Variants in YTHDC2 observed in about 807,000 individuals in gnomAD.
The protein encoded by YTHDC2 is 3'-5' RNA helicase YTHDC2.
In YTHDC2, 45 loss-of-function variants were observed where a neutral mutation model predicts 174.9. The ratio of observed to expected loss-of-function variants is 0.26; its 90% CI spans 0.20 to 0.33. The LOEUF (loss-of-function observed/expected upper bound fraction) is 0.33. YTHDC2 is among the 10% of genes least tolerant of loss of function. YTHDC2 has a pLI of 1.00. For missense variants in YTHDC2, 1,650 were observed against 1,723.7 expected (o/e 0.96, Z 0.76); for synonymous variants, 657 against 574.5 (o/e 1.14, Z -2.05).
chr5:113,522,887 T>C (rs540100813), intron 2 of YTHDC2, among the ~76,000 whole-genome samples: 2 of 152,296 alleles, frequency 1.3e-5, no homozygotes, highest in South Asian at 2.1e-4. Flanking sequence ...CAAGTTGATA[T>C]TATCTTTCCA....
chr5:113,579,716 G>A, intron 24 of YTHDC2, 21 bp downstream of exon 24: 2 of 1,574,678 alleles, frequency 1.3e-6, no homozygotes, highest in Admixed American at 1.9e-5. Flanking sequence ...TTCAAGTAGT[G>A]TAATAAATTT....
In YTHDC2 at chr5:113,563,484, A is replaced by G. The variant is rs775053430; in HGVS notation, c.2434A>G (p.Met812Val). 1.2e-6 allele frequency: 2 copies of G among 1,604,596 alleles called. No individual in the cohort carries two copies. The highest frequency in any genetic ancestry group is 1.7e-6 in the Non-Finnish European group (2 of 1,175,672). ...PALIVRNAVQ[M>V]LKTIDAMDTW... ...TTTAATTGTAAGAAATGCTGTACAA[A>G]TGCTTAAGGTTGGTGTCTTCATAGT... Residue 812 changes from methionine to valine, a missense_variant, in exon 19 of 30, where the codon ATG becomes GTG. Met to Val is a conservative substitution (Grantham distance 21). Around this residue, in one of 5 missense-constraint regions of YTHDC2, gnomAD observed 913 missense variants for 940.4 expected, o/e 0.97. Transcript: ENST00000161863.
intron 18 of YTHDC2, among the ~76,000 whole-genome samples, chr5:113,561,962 GT>G (rs1240247724): frequency 5.7e-4 from 45 of 79,298 alleles, no homozygotes; most frequent in African/African-American, 2.1e-3. Flanking sequence ...TTGTGGGTGT[GT>G]GTGTGTGTGT....
rs1252613610 is a variant in YTHDC2 at position 113,561,162 on chromosome 5, G to C, written c.2299G>C (p.Glu767Gln). 1.9e-6 allele frequency: 3 copies of C among 1,612,716 alleles called. No individual in the cohort carries two copies. The highest frequency in any genetic ancestry group is 3.3e-5 in the Admixed American group (2 of 59,952). Residue 767 changes from glutamate to glutamine, a missense_variant, in exon 18 of 30, where the codon GAA becomes CAA. By Grantham distance (29) the Glu-to-Gln change is conservative. Transcript: ENST00000161863. ...FQNMLEFQTP[E>Q]LLRMPLQELC... ...GAATATGTTGGAATTTCAGACTCCG[G>C]AACTTTTGAGAATGCCATTACAGGT... is the stretch of plus-strand genomic sequence containing the variant.
intron 4 of YTHDC2, among the ~76,000 whole-genome samples, chr5:113,532,497 T>C (rs10478126): frequency 0.33 from 49,518 of 152,034 alleles, 10,067 homozygotes; most frequent in African/African-American, 0.56. Context: ...ATTTTTATTT[T>C]ATTGACTTTA....
At chr5:113,541,868 G>A (rs1775502517) in intron 9 of YTHDC2, among the ~76,000 whole-genome samples, 1 of 151,838 alleles carries the variant, frequency 6.6e-6, no homozygotes, top group Non-Finnish European at 1.5e-5. Context: ...GACTTATTTG[G>A]GTCATGGAAC....
At chr5:113,573,470 T>C (rs10042141) in intron 23 of YTHDC2, among the ~76,000 whole-genome samples, 15,288 of 152,024 alleles carry the variant, frequency 0.1, 1,681 homozygotes, top group African/African-American at 0.27. Flanking sequence ...TCTCATGGAG[T>C]ATTATACTAG....
At chr5:113,545,197 G>T (rs1031954750) in intron 10 of YTHDC2, among the ~76,000 whole-genome samples, 2 of 152,084 alleles carry the variant, frequency 1.3e-5, no homozygotes, top group Non-Finnish European at 2.9e-5. Context: ...TGCTGCAAGG[G>T]ACTAGGTCAA....
In YTHDC2 at chr5:113,581,807, C is replaced by CT. The variant is rs1022897758; in HGVS notation, c.3647+104dup. On this transcript the variant is annotated intron_variant, in intron 25 of 29. Coordinates refer to ENST00000161863, the MANE Select transcript of YTHDC2 (RefSeq NM_022828.5). ...GTGCTTTTATAATATTTAAAAATTA[C>CT]TTTTTTATAATCTAAGATCCATGAA... 1.7e-5 allele frequency: 18 copies of CT among 1,073,270 alleles called. No individual in the cohort carries two copies. The African/African-American group carries it at 3.0e-4, about 18-fold the overall frequency. The allele number at this position is 1,073,270 out of a possible 1,614,324, so 66.5% of individuals were successfully genotyped here. A position where few individuals can be genotyped will look rare whatever the true frequency, so the allele number is the denominator to read the frequency against.
rs1213880766 is a variant in YTHDC2 at position 113,570,806 on chromosome 5, A to G, written c.3244+2957A>G. Among the ~76,000 whole-genome samples, 4 of 151,506 alleles carry G rather than the reference A, an allele frequency of 2.6e-5. No individual in the cohort carries two copies. The East Asian group carries it at 7.8e-4, about 29-fold the overall frequency. ...GCTGGGATTACAGACGTCTGCCACC[A>G]TACTCCACTAATTTTTTTTGTATTT... On this transcript the variant is annotated intron_variant, in intron 23 of 29. Coordinates refer to ENST00000161863, the MANE Select transcript of YTHDC2 (RefSeq NM_022828.5).
chr5:113,567,845 T>C lies in YTHDC2; in HGVS notation c.3240T>C (p.Phe1080=). 1.3e-6 allele frequency: 2 copies of C among 1,528,160 alleles called. No individual in the cohort carries two copies. Among genetic ancestry groups the C allele is most frequent in the Non-Finnish European group, 1.8e-6 (2 of 1,138,276 alleles). 94.7% of individuals were successfully genotyped at this position (1,528,160 alleles called of 1,614,324 possible). A position where few individuals can be genotyped will look rare whatever the true frequency, so the allele number is the denominator to read the frequency against. The change falls in exon 23 of 30, where the codon TTT becomes TTC. Residue 1080 remains phenylalanine (F), a synonymous_variant. Transcript: ENST00000161863. The part of the protein sequence containing the change: ...ASNALQEPSS[F]RVDGIPNDSS... ...ATGCTCTTCAGGAACCTTCATCCTT[T>C]AGAGGTAAATGTATTAAGGAAATAA...
Position 113,591,065 on chromosome 5 carries a change from C to G in YTHDC2, c.3850C>G (p.Pro1284Ala). The G allele has an allele frequency of 1.2e-6, 2 of 1,613,734 alleles. No homozygotes were observed. The highest frequency in any genetic ancestry group is 1.7e-6 in the Non-Finnish European group (2 of 1,179,802). The stretch of plus-strand genomic sequence containing the variant: ...GGGCTCAAAATCTCCTTCGCCAAGA[C>G]CAAACATGCCTGTTCGATACTTCAT... ...GKGSKSPSPR[P>A]NMPVRYFIMK... Residue 1284 changes from proline to alanine, a missense_variant, in exon 27 of 30, where the codon CCA becomes GCA. Transcript: ENST00000161863.
chr5:113,581,676 C>A lies in YTHDC2; in HGVS notation c.3614C>A (p.Thr1205Asn). ...AATAGTAGGAAAAGTTCAGCAGATA[C>A]TGAATTTTCTGATGAGTGTACTACT... is the stretch of plus-strand genomic sequence containing the variant. ...SNNSRKSSAD[T>N]EFSDECTTAE... The change falls in exon 25 of 30, where the codon ACT (threonine) becomes AAT (asparagine). Residue 1205 changes from threonine (T) to asparagine (N), a missense_variant. By Grantham distance (65) the Thr-to-Asn change is moderately conservative (BLOSUM62 0). Around this residue, in one of 5 missense-constraint regions of YTHDC2, gnomAD observed 913 missense variants for 940.4 expected, o/e 0.97. Transcript: ENST00000161863. 6.2e-7 allele frequency: 1 copy of A among 1,607,782 alleles called. No individual in the cohort carries two copies.
Position 113,551,423 on chromosome 5 carries a change from C to T in YTHDC2, c.1689-1758C>T, listed in dbSNP as rs371258362. ...AAAATTGAATATATTATTATGTTTA[C>T]TGGATTATTGATAATTTATATCCAA... On this transcript the variant is annotated intron_variant, in intron 12 of 29. Coordinates refer to ENST00000161863, the MANE Select transcript of YTHDC2 (RefSeq NM_022828.5). Among the ~76,000 whole-genome samples the T allele has an allele frequency of 1.7e-4, 26 of 152,084 alleles. 3 individuals carry two copies. The highest frequency in any genetic ancestry group is 7.2e-4 in the Admixed American group (11 of 15,258).
intron 1 of YTHDC2, 63 bp from the exon 2 acceptor site, chr5:113,515,209 T>A: frequency 2.5e-6 from 3 of 1,177,946 alleles, no homozygotes; most frequent in Non-Finnish European, 3.7e-6. Context: ...TGTATCTGTG[T>A]GTTTTACTTG....
Position 113,545,727 on chromosome 5 carries a change from CAT to C in YTHDC2, c.1496-2813_1496-2812del, listed in dbSNP as rs1775830856. ...GATTTTTTGAAAAATAATTGATCTC[CAT>C]TTTTTTTTTTTTTTTTTTTTTTTTT... On this transcript the variant is annotated intron_variant, in intron 10 of 29. Coordinates refer to ENST00000161863, the MANE Select transcript of YTHDC2 (RefSeq NM_022828.5). Among the ~76,000 whole-genome samples, 4 of 80,368 alleles carry C rather than the reference CAT, an allele frequency of 5.0e-5. 1 individual carries two copies. The highest frequency in any genetic ancestry group is 4.1e-4 in the African/African-American group (4 of 9,672). 52.7% of individuals were successfully genotyped at this position (80,368 alleles called of 152,430 possible). A position where few individuals can be genotyped will look rare whatever the true frequency, so the allele number is the denominator to read the frequency against.
At chr5:113,530,841 A>G (rs1774607570) in intron 4 of YTHDC2, among the ~76,000 whole-genome samples, 1 of 151,916 alleles carries the variant, frequency 6.6e-6, no homozygotes, top group African/African-American at 2.4e-5. Context: ...TAAAGAACTT[A>G]AAAAAAACAT....
intron 23 of YTHDC2, among the ~76,000 whole-genome samples, chr5:113,571,918 C>G (rs1224059944): frequency 6.6e-6 from 1 of 152,022 alleles, no homozygotes; most frequent in African/African-American, 2.4e-5. Flanking sequence ...TAAAAAGAAC[C>G]AGCTTTTTGA....
intron 9 of YTHDC2, 76 bp downstream of exon 9, chr5:113,541,192 A>AT (rs200804870): frequency 0.068 from 86,495 of 1,263,140 alleles, 55 homozygotes; most frequent in Non-Finnish European, 0.074. Flanking sequence ...TGAGCTTATA[A>AT]TTTTTTTTTT....
Sources: gnomAD v4.1 joint callset for allele counts (sites outside exome capture counted in the v4.1 genomes callset) on GRCh38, gnomAD v4.1.1 for gene constraint, gnomAD v4.1.1 regional missense constraint, MANE v1.5 for transcripts, NCBI Gene and HGNC (gene_info 2026-07-23, HGNC 2026-07-21) for gene names.